Variants in ARAP1 observed in about 807,000 individuals in gnomAD.
The protein encoded by ARAP1 is arf-GAP with Rho-GAP domain, ANK repeat and PH domain-containing protein 1.
ARAP1 carries 76 observed loss-of-function variants against 172.2 expected under a neutral mutation model. The observed-to-expected ratio is 0.44, with a 90% confidence interval of 0.37 to 0.53. ARAP1 has a LOEUF of 0.53. Ranked by LOEUF, ARAP1 falls within the 20% of genes least tolerant of loss-of-function variation. ARAP1 has a pLI of 0.00. For missense variants in ARAP1, 1,686 were observed against 1,977.5 expected (o/e 0.85, Z 2.80); for synonymous variants, 804 against 803.3 (o/e 1.00, Z -0.01).
intron 1 of ARAP1, 64 bp from the exon 2 acceptor site, chr11:72,732,661 G>T: frequency 6.6e-6 from 1 of 152,652 alleles, no homozygotes; most frequent in Non-Finnish European, 1.5e-5. Flanking sequence ...GCCAGAGAAG[G>T]AGAGGGGAAG....
chr11:72,735,950 C>T (rs1185800543), intron 1 of ARAP1, among the ~76,000 whole-genome samples: 1 of 152,162 alleles, frequency 6.6e-6, no homozygotes, highest in Non-Finnish European at 1.5e-5. Context: ...CCAGTGAAAA[C>T]AGCCCAGGGG....
Position 72,699,107 on chromosome 11 carries a change from G to C in ARAP1, c.2439C>G (p.Gly813=). 6.2e-7 allele frequency: 1 copy of C among 1,614,074 alleles called. No individual in the cohort carries two copies. The stretch of plus-strand genomic sequence containing the variant: ...TGTACACCTCAAAGGTGTGCTCAAA[G>C]CTGCAAATACACAGGCCAGGACTCA... ...CLAVPPPDTH[G]FEHTFEVYTE... is the part of the protein sequence containing the mutation. The change falls in exon 18 of 35, where the codon GGC becomes GGG. Residue 813 remains glycine (G), a splice_region_variant and synonymous_variant. Transcript: ENST00000393609. This position sits in a 1 kb window ranked among gnomAD's most constrained non-coding sequence, Gnocchi z 4.2.
rs1432818949 is a variant in ARAP1, at chr11:72,712,274, A to G, written c.944T>C (p.Met315Thr). ...LPSTIAAPHP[M>T]DGPPGGSTPV... is the part of the protein sequence containing the mutation. ...GGTGGAGCCCCCAGGCGGCCCGTCC[A>G]TGGGGTGTGGCGCAGCTATTGTGCT... The change falls in exon 7 of 35, where the codon ATG becomes ACG. Residue 315 changes from methionine to threonine, a missense_variant. Met to Thr is a moderately conservative substitution (Grantham distance 81). Around this residue, in one of 5 missense-constraint regions of ARAP1, gnomAD observed 688 missense variants for 856.9 expected, o/e 0.80. Coordinates refer to ENST00000393609, the MANE Select transcript of ARAP1 (RefSeq NM_001040118.3). 1 of 1,600,064 alleles carries G rather than the reference A, an allele frequency of 6.2e-7. No homozygotes were observed. Among genetic ancestry groups the G allele is most frequent in the Non-Finnish European group, 8.5e-7 (1 of 1,172,724 alleles).
In ARAP1 at chr11:72,709,860, G is replaced by A; in HGVS notation, c.1523+10C>T. On this transcript the variant is annotated intron_variant, in intron 11 of 34. Coordinates refer to ENST00000393609, the MANE Select transcript of ARAP1 (RefSeq NM_001040118.3). ...GAGGATGCCGGTGAGCCAAGAAGAT[G>A]GAGGGTCACCTGAAGATGCGGTAGG... The A allele has an allele frequency of 6.2e-7, 1 of 1,613,460 alleles. No individual in the cohort carries two copies. The highest frequency in any genetic ancestry group is 1.6e-4 in the Middle Eastern group (1 of 6,062).
At chr11:72,721,636 G>A (rs764060505) in intron 3 of ARAP1, among the ~76,000 whole-genome samples, 2 of 152,116 alleles carry the variant, frequency 1.3e-5, no homozygotes, top group Non-Finnish European at 2.9e-5. Context: ...GGAAGAGGGA[G>A]GGATGAGACA....
chr11:72,707,176 T>G lies in ARAP1; in HGVS notation c.1722A>C (p.Ala574=), dbSNP rs1243443376. Reference sequence around the variant, plus strand: ...GTGCCCCGACCCCCATGCACACACCTGCACAGCGCTTGCAGATAACAACAC... The same window carrying G: ...GTGCCCCGACCCCCATGCACACACCGGCACAGCGCTTGCAGATAACAACAC... ...NLCVVICKRC[A]GEHRGLGAGV... is the part of the protein sequence containing the mutation. The change falls in exon 12 of 35, where the codon GCA becomes GCC. Residue 574 remains alanine, a splice_region_variant and synonymous_variant. Coordinates refer to ENST00000393609, the MANE Select transcript of ARAP1 (RefSeq NM_001040118.3). 1 of 1,584,680 alleles carries G rather than the reference T, an allele frequency of 6.3e-7. No individual in the cohort carries two copies.
chr11:72,725,318 CTT>C lies in ARAP1; in HGVS notation c.509+1300_509+1301del, dbSNP rs1491519209. ...AACCTCTCTCTCTCTCTCTCTCTCTCTTTTTCTCTCTCTCTCTCCCCCCCACA... is the reference window on the plus strand; with the variant it reads ...AACCTCTCTCTCTCTCTCTCTCTCTCTTTCTCTCTCTCTCTCCCCCCCACA... On this transcript the variant is annotated intron_variant, in intron 3 of 34. Transcript: ENST00000393609. The surrounding 1 kb of genome is among the most constrained non-coding windows in gnomAD (Gnocchi z 4.3). Among the ~76,000 whole-genome samples the C allele has an allele frequency of 1.4e-5, 2 of 147,896 alleles. No individual in the cohort carries two copies. Among genetic ancestry groups the C allele is most frequent in the African/African-American group, 5.1e-5 (2 of 39,516 alleles).
intron 15 of ARAP1, among the ~76,000 whole-genome samples, chr11:72,702,130 A>G (rs1311020969): frequency 6.6e-6 from 1 of 152,232 alleles, no homozygotes; most frequent in Non-Finnish European, 1.5e-5. Flanking sequence ...AATCCCTGGA[A>G]AGAGGATTGT....
intron 2 of ARAP1, among the ~76,000 whole-genome samples, chr11:72,732,284 C>A (rs1234080704): frequency 6.6e-6 from 1 of 152,168 alleles, no homozygotes; most frequent in African/African-American, 2.4e-5. Flanking sequence ...AGCCTGCTGG[C>A]CCCTGCCTTG....
rs1455547665 is a variant in ARAP1 at position 72,714,247 on chromosome 11, A to G, written c.584T>C (p.Leu195Pro). The G allele has an allele frequency of 6.5e-7, 1 of 1,531,834 alleles. No individual in the cohort carries two copies. The highest frequency in any genetic ancestry group is 2.5e-5 in the East Asian group (1 of 39,980). 94.9% of individuals were successfully genotyped at this position (1,531,834 alleles called of 1,614,324 possible). Residue 195 changes from leucine to proline, a missense_variant, in exon 4 of 35, where the codon CTG becomes CCG. Coordinates refer to ENST00000393609, the MANE Select transcript of ARAP1 (RefSeq NM_001040118.3). Reference sequence around the variant, plus strand: ...GGGAGGCCCCTGGGGGAGGGTGGACAGGGGCTCCTCAGACTGTGGCTGGGG... The same window carrying G: ...GGGAGGCCCCTGGGGGAGGGTGGACGGGGGCTCCTCAGACTGTGGCTGGGG... The part of the protein sequence containing the change: ...SPPQPQSEEP[L>P]STLPQGPPQP...
At chr11:72,745,676 G>A (rs1323501119) in intron 1 of ARAP1, among the ~76,000 whole-genome samples, 6 of 152,130 alleles carry the variant, frequency 3.9e-5, no homozygotes, top group South Asian at 2.1e-4. Flanking sequence ...ACCCCGCCAG[G>A]AGCCTGGCCA....
At chr11:72,712,680 C>G (rs1186780244) in intron 5 of ARAP1, 112 bp from the exon 6 acceptor site, 1 of 1,543,956 alleles carries the variant, frequency 6.5e-7, no homozygotes, top group Non-Finnish European at 8.8e-7. Context: ...CAGCCCAGCA[C>G]TTTTAGTTCT....
chr11:72,688,706 A>G, intron 30 of ARAP1, 169 bp from the exon 31 acceptor site: 1 of 593,410 alleles, frequency 1.7e-6, no homozygotes, highest in Non-Finnish European at 3.0e-6. Context: ...TTCACAATCT[A>G]GCCCAACCAA....
intron 2 of ARAP1, among the ~76,000 whole-genome samples, chr11:72,730,694 C>A (rs551860216): frequency 6.6e-6 from 1 of 152,078 alleles, no homozygotes; most frequent in Non-Finnish European, 1.5e-5. Context: ...TTTGTCCTCC[C>A]GCCTCCCCCA....
intron 33 of ARAP1, 56 bp downstream of exon 33, chr11:72,687,383 T>G (rs1464435179): frequency 6.2e-7 from 1 of 1,603,954 alleles, no homozygotes; most frequent in Non-Finnish European, 8.5e-7. Context: ...GTCCCCATTC[T>G]CCATAATGGA....
chr11:72,705,963 CT>C, intron 12 of ARAP1, 73 bp from the exon 13 acceptor site: 3 of 1,473,178 alleles, frequency 2.0e-6, no homozygotes, highest in Non-Finnish European at 2.8e-6. Flanking sequence ...CCCCCAGTGT[CT>C]ACTGGGACAG....
At chr11:72,704,129 C>T (rs1270366067) in intron 14 of ARAP1, 23 bp downstream of exon 14, 1 of 1,613,794 alleles carries the variant, frequency 6.2e-7, no homozygotes, top group Non-Finnish European at 8.5e-7. Flanking sequence ...TCCCAAGGGG[C>T]CCCAGAGCTG....
chr11:72,703,949 G>A (rs1017371584), intron 14 of ARAP1: 13 of 610,212 alleles, frequency 2.1e-5, no homozygotes, highest in African/African-American at 2.1e-4. Context: ...CTTGGCCCAA[G>A]GGTCAGGCCT....
chr11:72,735,283 A>G (rs891945842), intron 1 of ARAP1, among the ~76,000 whole-genome samples: 5 of 151,780 alleles, frequency 3.3e-5, no homozygotes, highest in African/African-American at 4.8e-5. Context: ...GCCTTTGGCC[A>G]TCCACTTTTA....
Sources: allele counts gnomAD v4.1 joint callset (sites outside exome capture counted in the v4.1 genomes callset), GRCh38; gene constraint gnomAD v4.1.1; regional missense constraint gnomAD v4.1.1; non-coding constraint Gnocchi (gnomAD v3.1); transcripts MANE v1.5; gene names NCBI Gene and HGNC (gene_info 2026-07-23, HGNC 2026-07-21).